The following LDAF1 variants were observed in gnomAD, a reference collection of about 807,000 sequenced individuals.
LDAF1 encodes the protein lipid droplet assembly factor 1, also known as PROMETHIN.
Under a neutral mutation model 13.5 loss-of-function variants are expected in LDAF1, and 7 were observed. That is an observed-to-expected ratio of 0.52 (90% CI 0.29 to 0.97). LDAF1 has a LOEUF of 0.97. LDAF1 is among the 50% of genes least tolerant of loss of function. The pLI is 0.07. For missense variants in LDAF1, 148 were observed against 193.2 expected, an observed-to-expected ratio of 0.77 and a Z score of 1.39; for synonymous variants, 69 against 77.1, an observed-to-expected ratio of 0.89 and a Z score of 0.55.
At chr16:21,164,322 T>G (rs1459169137) in intron 2 of LDAF1, among the ~76,000 whole-genome samples, 11 of 152,310 alleles carry the variant, frequency 7.2e-5, no homozygotes, top group African/African-American at 2.6e-4. Context: ...TGGCTTACTG[T>G]AGCCTCGAAC....
chr16:21,164,740 A>G (rs561669480), intron 2 of LDAF1, among the ~76,000 whole-genome samples: 83 of 152,222 alleles, frequency 5.5e-4, no homozygotes, highest in African/African-American at 1.9e-3. Context: ...ACCTGTGTCT[A>G]CCTCCAGGCT....
intron 4 of LDAF1, among the ~76,000 whole-genome samples, chr16:21,177,480 T>C (rs925594620): frequency 6.6e-6 from 1 of 152,196 alleles, no homozygotes; most frequent in Non-Finnish European, 1.5e-5. Context: ...TATCAATTCA[T>C]TGAGTCATGC....
rs1188824607 is a variant in LDAF1 at position 21,161,115 on chromosome 16, C to G, written c.-68C>G. The G allele has an allele frequency of 5.0e-6, 8 of 1,590,626 alleles. No individual in the cohort carries two copies. In the African/African-American group the frequency reaches 8.1e-5, roughly 16 times the overall value. Reference sequence around the variant, plus strand: ...GACAGAGCGACATGAGAGATTGGACCGCGGGCTGCACTGGAGAATTTACTG... The same window carrying G: ...GACAGAGCGACATGAGAGATTGGACGGCGGGCTGCACTGGAGAATTTACTG... On this transcript the variant is annotated 5_prime_UTR_variant, in exon 2 of 5. Transcript: ENST00000233047.
At chr16:21,166,216 A>G (rs1046685072) in intron 2 of LDAF1, among the ~76,000 whole-genome samples, 1 of 152,150 alleles carries the variant, frequency 6.6e-6, no homozygotes, top group Non-Finnish European at 1.5e-5. Flanking sequence ...CCAAAACACT[A>G]TAATTTCAAC....
chr16:21,166,780 G>T, intron 2 of LDAF1: 2 of 1,453,408 alleles, frequency 1.4e-6, no homozygotes, highest in South Asian at 1.2e-5. Context: ...CAGCGCAAGG[G>T]ACCAGCCCAC....
chr16:21,168,693 A>C (rs376862272), intron 2 of LDAF1, among the ~76,000 whole-genome samples: 1 of 133,464 alleles, frequency 7.5e-6, no homozygotes, highest in Admixed American at 7.7e-5. Context: ...CATTACAATT[A>C]TATTTTTATA....
In LDAF1 at chr16:21,174,212, C is replaced by A. The variant is rs189873638; in HGVS notation, c.404+64C>A. The A allele has an allele frequency of 3.0e-5, 44 of 1,450,396 alleles. No homozygotes were observed. In the African/African-American group the frequency reaches 6.1e-4, roughly 20 times the overall value. The allele number at this position is 1,450,396 out of a possible 1,614,324, so 89.8% of individuals were successfully genotyped here. On this transcript the variant is annotated intron_variant, in intron 4 of 4. Coordinates refer to ENST00000233047, the MANE Select transcript of LDAF1 (RefSeq NM_001301771.2). ...TTTCTACTTTTTTGTTTTTTTGAGACAAGGCCTCACTCTGTCACTCAGGCT... is the reference window on the plus strand; with the variant it reads ...TTTCTACTTTTTTGTTTTTTTGAGAAAAGGCCTCACTCTGTCACTCAGGCT...
intron 2 of LDAF1, among the ~76,000 whole-genome samples, chr16:21,169,991 C>T (rs1372948467): frequency 4.0e-5 from 6 of 149,862 alleles, no homozygotes; most frequent in African/African-American, 1.5e-4. Flanking sequence ...CTTGCTCTGT[C>T]TCCCAGGCTG....
At chr16:21,172,148 TAA>T (rs769536016) in intron 3 of LDAF1, among the ~76,000 whole-genome samples, 22 of 132,778 alleles carry the variant, frequency 1.7e-4, no homozygotes, top group Admixed American at 2.3e-4. Context: ...TCCATCTCTT[TAA>T]AAAAAAAAAA....
intron 1 of LDAF1, among the ~76,000 whole-genome samples, chr16:21,160,528 A>G (rs1413167388): frequency 2.0e-5 from 3 of 152,164 alleles, no homozygotes; most frequent in Admixed American, 6.5e-5. Flanking sequence ...AAAGAAGAGA[A>G]ACAGGTCAAG....
chr16:21,160,951 A>G, intron 1 of LDAF1, 134 bp from the exon 2 acceptor site: 1 of 1,102,444 alleles, frequency 9.1e-7, no homozygotes, highest in Middle Eastern at 3.3e-4. Context: ...AGTGTGTGCA[A>G]TCTGAAATTG....
intron 2 of LDAF1, chr16:21,170,234 C>G (rs938541175): frequency 2.6e-5 from 23 of 901,356 alleles, no homozygotes; most frequent in Non-Finnish European, 3.1e-5. Flanking sequence ...AGCTCCCAAC[C>G]TCAGGTGATC....
chr16:21,168,177 G>T (rs1452088181), intron 2 of LDAF1, among the ~76,000 whole-genome samples: 1 of 151,856 alleles, frequency 6.6e-6, no homozygotes, highest in Admixed American at 6.6e-5. Context: ...ACCATGCCTG[G>T]CTGATTTTTG....
rs759792772 is a variant in LDAF1 at position 21,179,465 on chromosome 16, T to C, written c.405-10T>C. 1 of 1,614,156 alleles carries C rather than the reference T, an allele frequency of 6.2e-7. No homozygotes were observed. Among genetic ancestry groups the C allele is most frequent in the Non-Finnish European group, 8.5e-7 (1 of 1,180,008 alleles). Reference sequence around the variant, plus strand: ...CCTAGAGCTAACGATCTCTTCTTGTTATCCGACAGGCCACTGACACAGCAA... The same window carrying C: ...CCTAGAGCTAACGATCTCTTCTTGTCATCCGACAGGCCACTGACACAGCAA... On this transcript the variant is annotated splice_polypyrimidine_tract_variant and intron_variant, in intron 4 of 4. Coordinates refer to ENST00000233047, the MANE Select transcript of LDAF1 (RefSeq NM_001301771.2).
intron 2 of LDAF1, chr16:21,169,145 A>T: frequency 1.0e-6 from 1 of 981,694 alleles, no homozygotes; most frequent in East Asian, 1.1e-4. Flanking sequence ...TAGACAAGTG[A>T]TTAGCTTTTA....
chr16:21,168,574 A>G (rs1343636891), intron 2 of LDAF1, among the ~76,000 whole-genome samples: 1 of 143,332 alleles, frequency 7.0e-6, no homozygotes, highest in Admixed American at 7.1e-5. Context: ...ATATATAAAT[A>G]TAATATATTT....
intron 4 of LDAF1, among the ~76,000 whole-genome samples, chr16:21,179,097 G>A (rs989473048): frequency 1.3e-5 from 2 of 152,146 alleles, no homozygotes; most frequent in African/African-American, 4.8e-5. Flanking sequence ...GCCCTGCCAT[G>A]TTTTCAGCTG....
intron 2 of LDAF1, among the ~76,000 whole-genome samples, chr16:21,164,511 G>A (rs1056658435): frequency 6.6e-6 from 1 of 152,130 alleles, no homozygotes; most frequent in Non-Finnish European, 1.5e-5. Flanking sequence ...TTGGCCTCCT[G>A]AAGTGCTGGG....
chr16:21,169,231 G>A, intron 2 of LDAF1: 1 of 897,304 alleles, frequency 1.1e-6, no homozygotes, highest in Non-Finnish European at 1.3e-6. Flanking sequence ...AAACTTTAAT[G>A]TGTATGCACG....
Sources: allele counts gnomAD v4.1 joint callset (sites outside exome capture counted in the v4.1 genomes callset), GRCh38; gene constraint gnomAD v4.1.1; transcripts MANE v1.5; gene names NCBI Gene and HGNC (gene_info 2026-07-23, HGNC 2026-07-21).